The following TMC7 variants were observed in gnomAD, a reference collection of about 807,000 sequenced individuals.
TMC7 encodes transmembrane channel-like protein 7.
A neutral mutation model predicts 82.9 loss-of-function variants in TMC7; 54 were observed. The ratio of observed to expected loss-of-function variants is 0.65; its 90% CI spans 0.52 to 0.82. TMC7 has a LOEUF of 0.82. TMC7 is among the 40% of genes least tolerant of loss of function. The pLI, the probability that TMC7 is intolerant of heterozygous loss-of-function variation, is 0.00. For synonymous variants in TMC7, 350 were observed against 337.9 expected (o/e 1.04, Z -0.39); for missense variants, 820 against 901.2 (o/e 0.91, Z 1.15).
intron 11 of TMC7, among the ~76,000 whole-genome samples, chr16:19,046,177 C>A (rs1371348985): frequency 3.3e-5 from 5 of 152,144 alleles, no homozygotes. Flanking sequence ...AAGGTGCAGA[C>A]CTTCCAGGCT....
chr16:19,044,930 C>G lies in TMC7; in HGVS notation c.1384C>G (p.Leu462Val), dbSNP rs749934716. 3 of 1,614,032 alleles carry G rather than the reference C, an allele frequency of 1.9e-6. No individual in the cohort carries two copies. The highest frequency in any genetic ancestry group is 2.5e-6 in the Non-Finnish European group (3 of 1,180,022). ...LATICVLVFT[L>V]GSKITSCDDD... ...CACCATATGTGTCCTGGTGTTCACG[C>G]TGGGCTCCAAGATCACATCCTGTGA... The change falls in exon 10 of 16, where the codon CTG becomes GTG. Residue 462 changes from leucine to valine, a missense_variant. Physicochemically the swap from Leu to Val is conservative, Grantham distance 32. This residue lies in a region of TMC7 where 650 missense variants were observed against 669.9 expected (regional missense o/e 0.97). Transcript: ENST00000304381.
chr16:19,035,047 G>A (rs1444013810), intron 6 of TMC7, among the ~76,000 whole-genome samples: 1 of 152,094 alleles, frequency 6.6e-6, no homozygotes. Flanking sequence ...ATGGAGGACT[G>A]GATAAAGAAA....
intron 1 of TMC7, among the ~76,000 whole-genome samples, chr16:18,990,486 G>C (rs2038930956): frequency 6.6e-6 from 1 of 152,164 alleles, no homozygotes; most frequent in African/African-American, 2.4e-5. Context: ...GTAGAGACAG[G>C]GTTTCACCAG....
At chr16:19,021,570 C>G in intron 3 of TMC7, 59 bp from the exon 4 acceptor site, 1 of 1,551,576 alleles carries the variant, frequency 6.4e-7, no homozygotes, top group South Asian at 1.2e-5. Flanking sequence ...CTGATTGAAT[C>G]TATGATGTGT....
At chr16:18,998,010 G>A (rs1014016812) in intron 1 of TMC7, among the ~76,000 whole-genome samples, 4 of 152,156 alleles carry the variant, frequency 2.6e-5, no homozygotes, top group Non-Finnish European at 5.9e-5. Flanking sequence ...GGGATTACAG[G>A]CGTGAGCCAC....
At chr16:19,032,096 G>A (rs1960544540) in intron 6 of TMC7, among the ~76,000 whole-genome samples, 1 of 152,210 alleles carries the variant, frequency 6.6e-6, no homozygotes, top group South Asian at 2.1e-4. Flanking sequence ...TTGCTTGGCA[G>A]ACAGTATCAT....
At chr16:18,992,033 C>T (rs150130576) in intron 1 of TMC7, among the ~76,000 whole-genome samples, 8,168 of 152,188 alleles carry the variant, frequency 0.054, 546 homozygotes, top group African/African-American at 0.17. Context: ...TCTTTGCTAT[C>T]GTGAATAGTG....
rs5816025 is a variant in TMC7, at chr16:19,063,672, T to TTGTGTGTGTG, written c.*1846_*1855dup. 30 of 149,322 alleles carry TTGTGTGTGTG rather than the reference T, an allele frequency of 2.0e-4. No individual in the cohort carries two copies. Among genetic ancestry groups the TTGTGTGTGTG allele is most frequent in the African/African-American group, 3.2e-4 (13 of 40,646 alleles). 9.2% of individuals were successfully genotyped at this position (149,322 alleles called of 1,614,324 possible). ...ACTTGATGATATTCAAGTTTTCTAT[T>TTGTGTGTGTG]TGTGTGTGTGTGTGTGTGTGTGTGT... is the stretch of plus-strand genomic sequence containing the variant. On this transcript the variant is annotated 3_prime_UTR_variant, in exon 16 of 16. Coordinates refer to ENST00000304381, the MANE Select transcript of TMC7 (RefSeq NM_024847.4).
chr16:18,986,021 A>G (rs558086580), intron 1 of TMC7, among the ~76,000 whole-genome samples: 1 of 147,370 alleles, frequency 6.8e-6, no homozygotes, highest in East Asian at 2.1e-4. Flanking sequence ...TGACAGAACT[A>G]GACCCTGTCT....
chr16:18,992,178 T>C (rs1444226139), intron 1 of TMC7, among the ~76,000 whole-genome samples: 1 of 152,216 alleles, frequency 6.6e-6, no homozygotes, highest in Non-Finnish European at 1.5e-5. Context: ...CCACACTGTC[T>C]TCCACAATGG....
At position 19,063,889 on chromosome 16, in the gene TMC7, C is replaced by CT. The variant is rs1270358596; in HGVS notation, c.*2047dup. On this transcript the variant is annotated 3_prime_UTR_variant, in exon 16 of 16. Coordinates refer to ENST00000304381, the MANE Select transcript of TMC7 (RefSeq NM_024847.4). ...TATAACTTTTAAAGTGCAGCTCTCTCTAACAAATGTGCCTTACAACTCCTG... is the reference window on the plus strand; with the variant it reads ...TATAACTTTTAAAGTGCAGCTCTCTCTTAACAAATGTGCCTTACAACTCCTG... 6.6e-6 allele frequency: 1 copy of CT among 152,140 alleles called. No homozygotes were observed. Among genetic ancestry groups the CT allele is most frequent in the East Asian group, 1.9e-4 (1 of 5,196 alleles). The allele number at this position is 152,140 out of a possible 1,614,324, so 9.4% of individuals were successfully genotyped here. A position where few individuals can be genotyped will look rare whatever the true frequency, so the allele number is the denominator to read the frequency against.
chr16:19,038,651 G>A (rs1047652730), intron 8 of TMC7, among the ~76,000 whole-genome samples: 1 of 151,978 alleles, frequency 6.6e-6, no homozygotes, highest in Non-Finnish European at 1.5e-5. Context: ...CTAGTAGCTG[G>A]CATTACAGGG....
intron 5 of TMC7, among the ~76,000 whole-genome samples, chr16:19,027,928 G>C (rs185417389): frequency 1.1e-4 from 17 of 152,140 alleles, no homozygotes; most frequent in African/African-American, 3.6e-4. Flanking sequence ...AGTAAAAAAT[G>C]AAAATATCCC....
chr16:18,991,272 G>A (rs1266187983), intron 1 of TMC7, among the ~76,000 whole-genome samples: 1 of 152,126 alleles, frequency 6.6e-6, no homozygotes, highest in Non-Finnish European at 1.5e-5. Flanking sequence ...GAAGACGCAA[G>A]GTCTGAATAA....
At chr16:19,032,428 G>C (rs1326431106) in intron 6 of TMC7, among the ~76,000 whole-genome samples, 1 of 152,000 alleles carries the variant, frequency 6.6e-6, no homozygotes, top group Non-Finnish European at 1.5e-5. Context: ...AAGAAATATT[G>C]GTTGATTGGG....
At chr16:19,005,107 G>T (rs2039215008) in intron 1 of TMC7, among the ~76,000 whole-genome samples, 1 of 143,414 alleles carries the variant, frequency 7.0e-6, no homozygotes, top group African/African-American at 2.5e-5. Context: ...TTTATTTTCT[G>T]AGACGGAGTC....
chr16:18,999,246 C>T (rs561755369), intron 1 of TMC7, among the ~76,000 whole-genome samples: 38 of 152,266 alleles, frequency 2.5e-4, no homozygotes, highest in African/African-American at 8.4e-4. Flanking sequence ...GCAATCCTCC[C>T]GCCTCATCCT....
intron 1 of TMC7, among the ~76,000 whole-genome samples, chr16:18,996,004 C>A (rs1031060227): frequency 1.3e-5 from 2 of 152,000 alleles, no homozygotes; most frequent in Non-Finnish European, 2.9e-5. Context: ...TGGGAGTGGT[C>A]AGATAAAGAA....
intron 8 of TMC7, among the ~76,000 whole-genome samples, chr16:19,039,200 C>T (rs1229964913): frequency 1.3e-5 from 2 of 151,300 alleles, no homozygotes; most frequent in Non-Finnish European, 2.9e-5. Context: ...AAGTCATTCT[C>T]CTGTCTCAGC....
Sources: gnomAD v4.1 joint callset for allele counts (sites outside exome capture counted in the v4.1 genomes callset) on GRCh38, gnomAD v4.1.1 for gene constraint, gnomAD v4.1.1 regional missense constraint, MANE v1.5 for transcripts, NCBI Gene and HGNC (gene_info 2026-07-23, HGNC 2026-07-21) for gene names.